Variants in TMEM131 observed in about 807,000 individuals in gnomAD.
TMEM131 encodes 2610524E03Rik.
Under a neutral mutation model 211.6 loss-of-function variants are expected in TMEM131, and 66 were observed. The ratio of observed to expected loss-of-function variants is 0.31; its 90% confidence interval spans 0.26 to 0.38. TMEM131 has a LOEUF of 0.38. Among genes scored for constraint, TMEM131 ranks in the 10% least tolerant of loss-of-function variants. TMEM131 has a pLI of 1.00. For synonymous variants in TMEM131, 844 were observed against 841.3 expected (o/e 1.00, Z -0.06); for missense variants, 2,036 against 2,299.3 (o/e 0.89, Z 2.34).
intron 3 of TMEM131, among the ~76,000 whole-genome samples, chr2:97,897,837 G>A (rs981212039): frequency 9.9e-5 from 15 of 152,102 alleles, no homozygotes; most frequent in Non-Finnish European, 1.9e-4. Flanking sequence ...TTAGTCATAT[G>A]AGCCTGCAGT....
intron 5 of TMEM131, among the ~76,000 whole-genome samples, chr2:97,853,603 C>T (rs1216942156): frequency 1.9e-5 from 2 of 105,180 alleles, no homozygotes; most frequent in Admixed American, 9.4e-5. Flanking sequence ...GAGACCCCGT[C>T]TTGGAAAAAA....
intron 32 of TMEM131, among the ~76,000 whole-genome samples, chr2:97,772,687 G>C (rs1478204520): frequency 6.6e-6 from 1 of 152,292 alleles, no homozygotes; most frequent in South Asian, 2.1e-4. Flanking sequence ...CCTGAGCTCA[G>C]AAGTTCAAGA....
At chr2:97,948,597 C>G (rs577154610) in intron 1 of TMEM131, among the ~76,000 whole-genome samples, 24 of 152,244 alleles carry the variant, frequency 1.6e-4, no homozygotes, top group African/African-American at 5.5e-4. Context: ...CTGTAATACC[C>G]TGCTAACGGG....
At chr2:97,937,758 G>C (rs1463208204) in intron 1 of TMEM131, among the ~76,000 whole-genome samples, 1 of 152,080 alleles carries the variant, frequency 6.6e-6, no homozygotes, top group Non-Finnish European at 1.5e-5. Flanking sequence ...AAAAATATTT[G>C]GAGAATTCAA....
chr2:97,916,068 C>A (rs927717664), intron 2 of TMEM131, among the ~76,000 whole-genome samples: 1 of 152,126 alleles, frequency 6.6e-6, no homozygotes, highest in African/African-American at 2.4e-5. Flanking sequence ...CATGTGCCAG[C>A]ACGCCCAGCT....
intron 1 of TMEM131, among the ~76,000 whole-genome samples, chr2:97,978,678 T>C (rs2104631781): frequency 6.6e-6 from 1 of 152,324 alleles, no homozygotes; most frequent in East Asian, 1.9e-4. Context: ...GCTTCACTTC[T>C]AATCCTAGTT....
At chr2:97,848,448 G>C (rs1421125608) in intron 5 of TMEM131, among the ~76,000 whole-genome samples, 4 of 152,188 alleles carry the variant, frequency 2.6e-5, no homozygotes, top group Non-Finnish European at 5.9e-5. Flanking sequence ...TGTAGCATTT[G>C]CATATAACCT....
chr2:97,911,058 G>A (rs1289947693), intron 2 of TMEM131, among the ~76,000 whole-genome samples: 1 of 152,142 alleles, frequency 6.6e-6, no homozygotes, highest in Non-Finnish European at 1.5e-5. Flanking sequence ...ACGTATCCAG[G>A]TGAACAGACA....
intron 6 of TMEM131, among the ~76,000 whole-genome samples, chr2:97,842,961 T>A (rs1158929043): frequency 1.3e-5 from 2 of 151,684 alleles, no homozygotes; most frequent in Admixed American, 6.6e-5. Context: ...TTACTCACCA[T>A]ACATAAGCAG....
intron 4 of TMEM131, among the ~76,000 whole-genome samples, chr2:97,871,943 G>C (rs564302537): frequency 2.2e-4 from 33 of 152,004 alleles, no homozygotes; most frequent in Admixed American, 8.5e-4. Flanking sequence ...ATGGGGTCGG[G>C]GGGGGAGTGG....
chr2:97,772,453 G>C, intron 32 of TMEM131, 29 bp from the exon 33 acceptor site: 1 of 1,597,964 alleles, frequency 6.3e-7, no homozygotes, highest in Non-Finnish European at 8.5e-7. Flanking sequence ...TAATTGCTGA[G>C]AAGGATTAAT....
chr2:97,905,450 A>C (rs146192608), intron 3 of TMEM131, among the ~76,000 whole-genome samples: 3 of 152,250 alleles, frequency 2.0e-5, no homozygotes, highest in African/African-American at 4.8e-5. Context: ...AGGTTTATTA[A>C]AGTTCTTTGA....
At chr2:97,899,019 T>C (rs1206797234) in intron 3 of TMEM131, among the ~76,000 whole-genome samples, 2 of 152,144 alleles carry the variant, frequency 1.3e-5, no homozygotes, top group African/African-American at 4.8e-5. Flanking sequence ...TATCAGTTAC[T>C]AACAGATGAA....
chr2:97,767,718 G>A (rs570615215), intron 33 of TMEM131, among the ~76,000 whole-genome samples: 7 of 152,250 alleles, frequency 4.6e-5, no homozygotes, highest in South Asian at 2.1e-4. Flanking sequence ...ATGCATCGCC[G>A]GCATTTTCCA....
At chr2:97,984,406 C>A (rs1470114579) in intron 1 of TMEM131, among the ~76,000 whole-genome samples, 1 of 151,782 alleles carries the variant, frequency 6.6e-6, no homozygotes, top group East Asian at 1.9e-4. Context: ...ATTTGAGTTG[C>A]TTTAAAGGAG....
At chr2:97,818,460 C>A in intron 12 of TMEM131, among the ~76,000 whole-genome samples, 153 bp downstream of exon 12, 3 of 10,158 alleles carry the variant, frequency 3.0e-4, no homozygotes, top group Non-Finnish European at 3.9e-4. Flanking sequence ...TGATGGTTTA[C>A]AGCGGGGGGG....
At chr2:97,859,573 T>C in intron 4 of TMEM131, 146 bp from the exon 5 acceptor site, 3 of 767,486 alleles carry the variant, frequency 3.9e-6, no homozygotes, top group African/African-American at 1.8e-5. Context: ...AAATTACACA[T>C]AAAAATGCAT....
chr2:97,805,816 CT>C, intron 19 of TMEM131, 113 bp from the exon 20 acceptor site: 1 of 975,988 alleles, frequency 1.0e-6, no homozygotes. Flanking sequence ...CAAAAGACAT[CT>C]TAGAATGTTC....
intron 1 of TMEM131, among the ~76,000 whole-genome samples, chr2:97,982,438 C>T (rs967798098): frequency 4.6e-5 from 7 of 151,928 alleles, no homozygotes; most frequent in South Asian, 4.1e-4. Context: ...ACATGATTTG[C>T]GAAAATTTTT....
Sources: gnomAD v4.1 joint callset for allele counts (sites outside exome capture counted in the v4.1 genomes callset) on GRCh38, gnomAD v4.1.1 for gene constraint, MANE v1.5 for transcripts, NCBI Gene and HGNC (gene_info 2026-07-23, HGNC 2026-07-21) for gene names.